CCDC146: variants seen among roughly 807,000 people sequenced by gnomAD.
The protein encoded by CCDC146 is coiled-coil domain-containing protein 146.
A neutral mutation model predicts 119.3 loss-of-function variants in CCDC146; 92 were observed. That is an observed-to-expected ratio of 0.77 (90% CI 0.65 to 0.92). The LOEUF is 0.92. Ranked by LOEUF, CCDC146 falls within the 40% of genes least tolerant of loss-of-function variation. The probability of loss-of-function intolerance (pLI) is 0.00; values close to 1 mark genes in which losing one functional copy is unlikely to be tolerated. For synonymous variants in CCDC146, 372 were observed against 371.8 expected (o/e 1.00, Z -0.01); for missense variants, 1,000 against 1,103.0 (o/e 0.91, Z 1.32).
intron 15 of CCDC146, among the ~76,000 whole-genome samples, chr7:77,286,540 A>C (rs990841349): frequency 6.6e-6 from 1 of 152,196 alleles, no homozygotes; most frequent in African/African-American, 2.4e-5. Context: ...CGCTTGTGAA[A>C]CCAGCTTTTT....
In CCDC146 at chr7:77,191,225, G is replaced by A. The variant is rs146896125; in HGVS notation, c.156+23401G>A. Among the ~76,000 whole-genome samples, 10 of 152,244 alleles carry A rather than the reference G, an allele frequency of 6.6e-5. No homozygotes were observed. In the East Asian group the frequency reaches 1.2e-3, roughly 18 times the overall value. ...TTGTTACATGGTATGTTGTTTTAAC[G>A]TCGCTGTTTCTGAGAACCTATCAAC... is the stretch of plus-strand genomic sequence containing the variant. On this transcript the variant is annotated intron_variant, in intron 2 of 18. Coordinates refer to ENST00000285871, the MANE Select transcript of CCDC146 (RefSeq NM_020879.3).
intron 2 of CCDC146, among the ~76,000 whole-genome samples, chr7:77,219,106 G>A (rs1293162606): frequency 6.6e-6 from 1 of 152,074 alleles, no homozygotes; most frequent in Admixed American, 6.5e-5. Flanking sequence ...TCCTTAAACT[G>A]TTATAAACTA....
At position 77,278,938 on chromosome 7, in the gene CCDC146, C is replaced by A; in HGVS notation, c.1531C>A (p.Leu511Met). The change falls in exon 13 of 19, where the codon CTG (leucine) becomes ATG (methionine). Residue 511 changes from leucine (L) to methionine (M), a missense_variant and splice_region_variant. Transcript: ENST00000285871. ...KKKKCEIYRR[L>M]REFAKLYDTI... ...AGTAAACACTTTGTATTTTTACAGA[C>A]TGAGAGAGTTTGCTAAACTGTATGA... The A allele has an allele frequency of 6.2e-7, 1 of 1,608,194 alleles. No homozygotes were observed. The highest frequency in any genetic ancestry group is 1.1e-5 in the South Asian group (1 of 89,584).
chr7:77,137,466 A>G (rs1224743126), intron 1 of CCDC146, among the ~76,000 whole-genome samples: 1 of 144,548 alleles, frequency 6.9e-6, no homozygotes, highest in Non-Finnish European at 1.5e-5. Flanking sequence ...GCAGCAATGG[A>G]CAAGTGGAAT....
At chr7:77,199,395 T>G (rs767168412) in intron 2 of CCDC146, 8 of 1,614,172 alleles carry the variant, frequency 5.0e-6, no homozygotes, top group Non-Finnish European at 6.8e-6. Flanking sequence ...CCTCACTCTC[T>G]AATTCTCTAA....
chr7:77,124,338 G>A (rs1415201464), intron 1 of CCDC146, among the ~76,000 whole-genome samples: 1 of 152,188 alleles, frequency 6.6e-6, no homozygotes, highest in African/African-American at 2.4e-5. Flanking sequence ...CTTAAAAACA[G>A]TATAATGAGT....
chr7:77,230,729 G>A (rs551847886), intron 2 of CCDC146, among the ~76,000 whole-genome samples: 8 of 152,054 alleles, frequency 5.3e-5, no homozygotes, highest in African/African-American at 1.7e-4. Flanking sequence ...ATTCTACTTG[G>A]GATTCTTTGA....
At chr7:77,205,702 G>C (rs1465235730) in intron 2 of CCDC146, among the ~76,000 whole-genome samples, 1 of 152,202 alleles carries the variant, frequency 6.6e-6, no homozygotes, top group Non-Finnish European at 1.5e-5. Context: ...GAGGTTGCGT[G>C]AGCTAAGATC....
intron 17 of CCDC146, among the ~76,000 whole-genome samples, chr7:77,291,917 A>G (rs1014023845): frequency 5.3e-5 from 8 of 152,226 alleles, no homozygotes; most frequent in Non-Finnish European, 7.3e-5. Flanking sequence ...TTATATAAGC[A>G]AAGAGTAACG....
Position 77,263,085 on chromosome 7 carries a change from T to C in CCDC146, c.1173+778T>C, listed in dbSNP as rs1269594394. On this transcript the variant is annotated intron_variant, in intron 9 of 18. Coordinates refer to ENST00000285871, the MANE Select transcript of CCDC146 (RefSeq NM_020879.3). ...TGCTCCAGAACCTTATGGAGGGTCA[T>C]GACCTAAGAAATTTGAACAGGAGTT... Among the ~76,000 whole-genome samples the C allele has an allele frequency of 2.0e-5, 3 of 152,220 alleles. No homozygotes were observed. The South Asian group carries it at 6.2e-4, about 32-fold the overall frequency.
At chr7:77,141,446 G>A (rs1318676498) in intron 1 of CCDC146, among the ~76,000 whole-genome samples, 1 of 152,162 alleles carries the variant, frequency 6.6e-6, no homozygotes, top group African/African-American at 2.4e-5. Context: ...TAATGGGATT[G>A]CTGGGTCAAA....
In CCDC146 at chr7:77,241,882, A is replaced by C; in HGVS notation, c.431A>C (p.Asn144Thr). 2 of 1,612,382 alleles carry C rather than the reference A, an allele frequency of 1.2e-6. No individual in the cohort carries two copies. Among genetic ancestry groups the C allele is most frequent in the East Asian group, 4.5e-5 (2 of 44,864 alleles). Residue 144 changes from asparagine to threonine, a missense_variant, in exon 4 of 19, where the codon AAT (asparagine) becomes ACT (threonine). Physicochemically the swap from Asn to Thr is moderately conservative, Grantham distance 65. Coordinates refer to ENST00000285871, the MANE Select transcript of CCDC146 (RefSeq NM_020879.3). Reference sequence around the variant, plus strand: ...GCAGTGAAGGAAAGAGAGTTCCATAATCAGTACAGATTAAATAGGTAAGTG... The same window carrying C: ...GCAGTGAAGGAAAGAGAGTTCCATACTCAGTACAGATTAAATAGGTAAGTG... The part of the protein sequence containing the change: ...YNAVKEREFH[N>T]QYRLNSLKEE...
chr7:77,196,795 C>G lies in CCDC146; in HGVS notation c.156+28971C>G. 2 of 1,614,176 alleles carry G rather than the reference C, an allele frequency of 1.2e-6. No individual in the cohort carries two copies. Among genetic ancestry groups the G allele is most frequent in the Non-Finnish European group, 1.7e-6 (2 of 1,180,016 alleles). On this transcript the variant is annotated intron_variant, in intron 2 of 18. Transcript: ENST00000285871. This position sits in a 1 kb window ranked among gnomAD's most constrained non-coding sequence, Gnocchi z 4.2. ...TTCCAAAGCCTGCTTTGTAGTCTTG[C>G]CATGTTCTGGTGAAGTTGGTGCTCC...
intron 4 of CCDC146, among the ~76,000 whole-genome samples, chr7:77,251,300 G>T (rs984788275): frequency 6.6e-6 from 1 of 152,130 alleles, no homozygotes; most frequent in African/African-American, 2.4e-5. Flanking sequence ...GGGATTACAG[G>T]CATGAACCAC....
At chr7:77,233,870 A>C (rs1423041915) in intron 2 of CCDC146, among the ~76,000 whole-genome samples, 1 of 151,488 alleles carries the variant, frequency 6.6e-6, no homozygotes, top group Non-Finnish European at 1.5e-5. Flanking sequence ...TCATTTACTT[A>C]AAATAAAACT....
At chr7:77,172,878 G>A (rs1292299578) in intron 2 of CCDC146, among the ~76,000 whole-genome samples, 1 of 152,122 alleles carries the variant, frequency 6.6e-6, no homozygotes, top group East Asian at 1.9e-4. Context: ...CAACCCCTGG[G>A]TCTGTTCCTA....
chr7:77,213,353 A>C (rs1202472252), intron 2 of CCDC146, among the ~76,000 whole-genome samples: 1 of 152,106 alleles, frequency 6.6e-6, no homozygotes, highest in Non-Finnish European at 1.5e-5. Flanking sequence ...TCAGCCTCCC[A>C]AAATACTGGG....
intron 2 of CCDC146, among the ~76,000 whole-genome samples, chr7:77,226,296 C>T (rs910326138): frequency 1.3e-4 from 20 of 152,186 alleles, no homozygotes; most frequent in African/African-American, 4.8e-4. Context: ...GCCAGCCATT[C>T]CCCAGAATGA....
At chr7:77,253,794 G>A (rs571167481) in intron 4 of CCDC146, among the ~76,000 whole-genome samples, 3 of 152,298 alleles carry the variant, frequency 2.0e-5, no homozygotes, top group South Asian at 4.1e-4. Context: ...ATGAGAAGAT[G>A]ATATCGGTAC....
Sources: allele counts gnomAD v4.1 joint callset (sites outside exome capture counted in the v4.1 genomes callset), GRCh38; gene constraint gnomAD v4.1.1; non-coding constraint Gnocchi (gnomAD v3.1); transcripts MANE v1.5; gene names NCBI Gene and HGNC (gene_info 2026-07-23, HGNC 2026-07-21).